The following STARD9 variants were observed in gnomAD, a reference collection of about 807,000 sequenced individuals.
The protein encoded by STARD9 is StAR related lipid transfer domain containing 9.
In STARD9, 346 loss-of-function variants were observed where a neutral mutation model predicts 399.8. The ratio of observed to expected loss-of-function variants is 0.87; its 90% CI spans 0.79 to 0.95. The LOEUF (loss-of-function observed/expected upper bound fraction) is 0.95, where lower values mean the gene tolerates loss of function less well. STARD9 is among the 40% of genes least tolerant of loss of function. The probability of loss-of-function intolerance (pLI) is 0.00; values close to 1 mark genes in which losing one functional copy is unlikely to be tolerated. For synonymous variants in STARD9, 2,203 were observed against 2,143.5 expected (o/e 1.03, Z -0.77); for missense variants, 5,832 against 5,667.5 (o/e 1.03, Z -0.93).
At chr15:42,681,693 CTT>C (rs2060431894) in intron 21 of STARD9, 81 bp downstream of exon 21, 4 of 1,243,098 alleles carry the variant, frequency 3.2e-6, no homozygotes, top group Non-Finnish European at 4.3e-6. Flanking sequence ...TGTATTCTCT[CTT>C]TTGTTTTCTT....
At chr15:42,714,187 C>A (rs12903762) in intron 26 of STARD9, among the ~76,000 whole-genome samples, 41,820 of 151,340 alleles carry the variant, frequency 0.28, 7,351 homozygotes, top group African/African-American at 0.49. Flanking sequence ...CTCAGCCTCC[C>A]GAGTAGCTGG....
chr15:42,662,661 A>G (rs2060013461), intron 10 of STARD9, 133 bp from the exon 11 acceptor site: 1 of 549,342 alleles, frequency 1.8e-6, no homozygotes, highest in Non-Finnish European at 3.1e-6. Context: ...TCTGGAACTG[A>G]ATTCTAAAAG....
intron 10 of STARD9, among the ~76,000 whole-genome samples, chr15:42,662,197 A>G (rs562904662): frequency 1.9e-4 from 29 of 152,338 alleles, no homozygotes; most frequent in African/African-American, 6.5e-4. Context: ...AGAAGGGAGC[A>G]TGAATTATAG....
Position 42,718,792 on chromosome 15 carries a change from C to T in STARD9, c.13883C>T (p.Thr4628Ile), listed in dbSNP as rs528447331. Residue 4628 changes from threonine (T) to isoleucine (I), a missense_variant, in exon 32 of 33, where the codon ACA becomes ATA. Transcript: ENST00000290607. ...ATGGCAGCCCAGTCTGTGTATGATA[C>T]ATCCATGCCAAGACCCAGCAGAAAA... ...SVMAAQSVYD[T>I]SMPRPSRKMV... is the part of the protein sequence containing the mutation. 5 of 1,537,274 alleles carry T rather than the reference C, an allele frequency of 3.3e-6. No homozygotes were observed. Among genetic ancestry groups the T allele is most frequent in the Non-Finnish European group, 3.5e-6 (4 of 1,146,910 alleles).
intron 3 of STARD9, among the ~76,000 whole-genome samples, chr15:42,593,481 C>T (rs1274382357): frequency 6.6e-6 from 1 of 152,016 alleles, no homozygotes; most frequent in Non-Finnish European, 1.5e-5. Flanking sequence ...AGAATTGCTC[C>T]TATTCTTCTG....
intron 3 of STARD9, among the ~76,000 whole-genome samples, chr15:42,607,135 C>CA (rs1460688285): frequency 6.8e-6 from 1 of 147,002 alleles, no homozygotes; most frequent in Non-Finnish European, 1.5e-5. Context: ...AGTCTGTGCA[C>CA]AACCCTGTAA....
Position 42,686,313 on chromosome 15 carries a change from A to G in STARD9, c.4735A>G (p.Thr1579Ala), listed in dbSNP as rs1267441981. 22 of 1,537,456 alleles carry G rather than the reference A, an allele frequency of 1.4e-5. No individual in the cohort carries two copies. Among genetic ancestry groups the G allele is most frequent in the Non-Finnish European group, 1.7e-5 (20 of 1,146,986 alleles). ...KLEGVSDFFS[T>A]SEKEASYDET... ...AGAAGGTGTTTCAGATTTCTTTAGC[A>G]CTAGTGAGAAAGAGGCGAGTTATGA... The change falls in exon 23 of 33, where the codon ACT becomes GCT. Residue 1579 changes from threonine to alanine, a missense_variant. By Grantham distance (58) the Thr-to-Ala change is moderately conservative. Around this residue, in one of 2 missense-constraint regions of STARD9, gnomAD observed 5,828 missense variants for 5,651.1 expected, o/e 1.03. Transcript: ENST00000290607.
At position 42,688,635 on chromosome 15, in the gene STARD9, C is replaced by A; in HGVS notation, c.7057C>A (p.Leu2353Ile). Residue 2353 changes from leucine (L) to isoleucine (I), a missense_variant, in exon 23 of 33, where the codon CTA becomes ATA. Leu to Ile is a conservative substitution (Grantham distance 5). Around this residue, in one of 2 missense-constraint regions of STARD9, gnomAD observed 5,828 missense variants for 5,651.1 expected, o/e 1.03. Transcript: ENST00000290607. Reference sequence around the variant, plus strand: ...AAGGTGTCTTCATGTACCTGTTGCTCTAGGCATCTCTTCACTTGACTGTGT... The same window carrying A: ...AAGGTGTCTTCATGTACCTGTTGCTATAGGCATCTCTTCACTTGACTGTGT... ...PRRCLHVPVA[L>I]GISSLDCVLD... 6.5e-7 allele frequency: 1 copy of A among 1,537,580 alleles called. No homozygotes were observed. Among genetic ancestry groups the A allele is most frequent in the South Asian group, 1.2e-5 (1 of 84,054 alleles).
At chr15:42,588,416 A>G (rs910165886) in intron 3 of STARD9, among the ~76,000 whole-genome samples, 1 of 152,220 alleles carries the variant, frequency 6.6e-6, no homozygotes, top group African/African-American at 2.4e-5. Flanking sequence ...AATGAGATCC[A>G]GACAGGAAGC....
In STARD9 at chr15:42,691,878, C is replaced by A. The variant is rs1378038759; in HGVS notation, c.10300C>A (p.Gln3434Lys). Reference sequence around the variant, plus strand: ...GATGTCTGGTACTTTGGAACAAGCCCAACAGGGAAAGCGAGAGAAACTGGG... The same window carrying A: ...GATGTCTGGTACTTTGGAACAAGCCAAACAGGGAAAGCGAGAGAAACTGGG... ...SWMSGTLEQA[Q>K]QGKREKLGVQ... Residue 3434 changes from glutamine to lysine, a missense_variant, in exon 23 of 33, where the codon CAA (glutamine) becomes AAA (lysine). Physicochemically the swap from Gln to Lys is moderately conservative, Grantham distance 53. This residue lies in a region of STARD9 where 5,828 missense variants were observed against 5,651.1 expected (regional missense o/e 1.03). Transcript: ENST00000290607. 7.8e-6 allele frequency: 12 copies of A among 1,537,246 alleles called. No homozygotes were observed. The highest frequency in any genetic ancestry group is 1.7e-4 in the Middle Eastern group (1 of 5,990).
In STARD9 at chr15:42,687,032, GA is replaced by G. The variant is rs1201941943; in HGVS notation, c.5455del (p.Ile1819TyrfsTer5). 8 of 1,537,104 alleles carry G rather than the reference GA, an allele frequency of 5.2e-6. No homozygotes were observed. Among genetic ancestry groups the G allele is most frequent in the Non-Finnish European group, 7.0e-6 (8 of 1,146,920 alleles). ...CCTCATCTCAGCAGGTCACAGCTGA[GA>G]TACCAGTTGATCTGAATACCAGGGA... ...IASSQQVTAE[I>X]PVDLNTREVI... On this transcript the variant is annotated frameshift_variant, in exon 23 of 33. Coordinates refer to ENST00000290607, the MANE Select transcript of STARD9 (RefSeq NM_020759.3). LOFTEE classifies it high-confidence loss of function.
Position 42,630,804 on chromosome 15 carries a change from GTC to G in STARD9, c.235-4050_235-4049del, listed in dbSNP as rs2059317993. Among the ~76,000 whole-genome samples, 3 of 151,992 alleles carry G rather than the reference GTC, an allele frequency of 2.0e-5. No individual in the cohort carries two copies. In the South Asian group the frequency reaches 6.2e-4, roughly 32 times the overall value. The stretch of plus-strand genomic sequence containing the variant: ...TTCATTTCTGATTTTATTTATGTGA[GTC>G]TTCTCTTTTTTTCTTCATCTGTCTA... On this transcript the variant is annotated intron_variant, in intron 3 of 32. Coordinates refer to ENST00000290607, the MANE Select transcript of STARD9 (RefSeq NM_020759.3).
intron 26 of STARD9, among the ~76,000 whole-genome samples, chr15:42,706,285 T>G (rs2061079658): frequency 6.6e-6 from 1 of 152,154 alleles, no homozygotes; most frequent in Admixed American, 6.5e-5. Context: ...TATTTTAAGT[T>G]TTTTGTTACT....
chr15:42,663,084 G>A, intron 11 of STARD9, 193 bp downstream of exon 11: 2 of 699,882 alleles, frequency 2.9e-6, no homozygotes, highest in Non-Finnish European at 4.7e-6. Flanking sequence ...TCAAAGAGGG[G>A]AGTCTAAAAA....
Position 42,667,061 on chromosome 15 carries a change from C to T in STARD9, c.1317+1213C>T, listed in dbSNP as rs1192903930. The stretch of plus-strand genomic sequence containing the variant: ...AACTCCTGGCCTCAGGTAATCCACC[C>T]GCCTTGGCCTCCCAAAGTGCTGGGA... On this transcript the variant is annotated intron_variant, in intron 15 of 32. Coordinates refer to ENST00000290607, the MANE Select transcript of STARD9 (RefSeq NM_020759.3). Among the ~76,000 whole-genome samples the T allele has an allele frequency of 9.9e-5, 15 of 152,122 alleles. No homozygotes were observed. The South Asian group carries it at 1.7e-3, about 17-fold the overall frequency.
rs548505721 is a variant in STARD9, at chr15:42,714,804, A to G, written c.13285-1873A>G. Among the ~76,000 whole-genome samples, 3 of 152,156 alleles carry G rather than the reference A, an allele frequency of 2.0e-5. No homozygotes were observed. In the South Asian group the frequency reaches 6.2e-4, roughly 32 times the overall value. ...AGTATATCTTTGATCCATAAAGCAT[A>G]AAGGATCCATTTTGGTATGTCTGTG... On this transcript the variant is annotated intron_variant, in intron 26 of 32. Coordinates refer to ENST00000290607, the MANE Select transcript of STARD9 (RefSeq NM_020759.3).
chr15:42,605,300 G>T (rs1236841327), intron 3 of STARD9, among the ~76,000 whole-genome samples: 1 of 152,204 alleles, frequency 6.6e-6, no homozygotes, highest in Non-Finnish European at 1.5e-5. Flanking sequence ...AGAGTTGACA[G>T]TTTCTTATTT....
At chr15:42,642,845 C>A (rs1251978974) in intron 7 of STARD9, among the ~76,000 whole-genome samples, 2 of 152,170 alleles carry the variant, frequency 1.3e-5, no homozygotes, top group Non-Finnish European at 2.9e-5. Context: ...GTCATCCAGG[C>A]CGGAGTGCAG....
rs913824870 is a variant in STARD9, at chr15:42,634,832, T to C, written c.235-24T>C. On this transcript the variant is annotated intron_variant, in intron 3 of 32. Transcript: ENST00000290607. Reference sequence around the variant, plus strand: ...TATGAGAAGAAGGACCACAGTGATATTTCCTCTGCTTTTGTTGTTACAGGT... The same window carrying C: ...TATGAGAAGAAGGACCACAGTGATACTTCCTCTGCTTTTGTTGTTACAGGT... The C allele has an allele frequency of 1.6e-5, 20 of 1,261,832 alleles. No individual in the cohort carries two copies. The African/African-American group carries it at 2.8e-4, about 18-fold the overall frequency. The allele number at this position is 1,261,832 out of a possible 1,614,324, so 78.2% of individuals were successfully genotyped here. A position where few individuals can be genotyped will look rare whatever the true frequency, so the allele number is the denominator to read the frequency against.
Sources: gnomAD v4.1 joint callset for allele counts (sites outside exome capture counted in the v4.1 genomes callset) on GRCh38, gnomAD v4.1.1 for gene constraint, gnomAD v4.1.1 regional missense constraint, MANE v1.5 for transcripts, NCBI Gene and HGNC (gene_info 2026-07-23, HGNC 2026-07-21) for gene names.